TSPAN9: variants seen among roughly 807,000 people sequenced by gnomAD.
TSPAN9 encodes the protein tetraspanin-9.
A neutral mutation model predicts 31.0 loss-of-function variants in TSPAN9; 16 were observed. The observed-to-expected ratio is 0.52, with a 90% CI of 0.35 to 0.78. TSPAN9 has a LOEUF of 0.78. TSPAN9 is among the 30% of genes least tolerant of loss of function. TSPAN9 has a pLI of 0.01. For synonymous variants in TSPAN9, 145 were observed against 121.6 expected (o/e 1.19, Z -1.27); for missense variants, 272 against 312.5 (o/e 0.87, Z 0.98).
chr12:3,146,841 C>T (rs1202687306), intron 2 of TSPAN9, among the ~76,000 whole-genome samples: 8 of 152,066 alleles, frequency 5.3e-5, no homozygotes, highest in Admixed American at 2.0e-4. Context: ...TGGTGGATCC[C>T]GTGGCCTCCT....
intron 3 of TSPAN9, among the ~76,000 whole-genome samples, chr12:3,263,941 T>C (rs4766083): frequency 0.39 from 59,121 of 151,346 alleles, 13,470 homozygotes; most frequent in South Asian, 0.59. Context: ...GAGGTGGAGG[T>C]GTGGAAGGTG....
chr12:3,146,827 ATGG>A (rs1177120993), intron 2 of TSPAN9, among the ~76,000 whole-genome samples: 1 of 152,056 alleles, frequency 6.6e-6, no homozygotes, highest in Admixed American at 6.6e-5. Flanking sequence ...TGGGAGGAGA[ATGG>A]TGGTGGATCC....
chr12:3,084,433 C>A (rs1050443329), intron 2 of TSPAN9, among the ~76,000 whole-genome samples: 1 of 152,080 alleles, frequency 6.6e-6, no homozygotes, highest in South Asian at 2.1e-4. Flanking sequence ...CTTCCCTGAA[C>A]CCAATGGTGT....
At chr12:3,215,034 T>C (rs1477220241) in intron 3 of TSPAN9, among the ~76,000 whole-genome samples, 2 of 151,770 alleles carry the variant, frequency 1.3e-5, no homozygotes, top group Non-Finnish European at 2.9e-5. Flanking sequence ...TGGCCTGCGC[T>C]CCCACCTGCT....
Position 3,127,349 on chromosome 12 carries a change from T to A in TSPAN9, c.-18+43630T>A, listed in dbSNP as rs139458262. Among the ~76,000 whole-genome samples, 442 of 152,114 alleles carry A rather than the reference T, an allele frequency of 2.9e-3. 3 individuals carry two copies. The highest frequency in any genetic ancestry group is 0.01 in the African/African-American group (422 of 41,498). On this transcript the variant is annotated intron_variant, in intron 2 of 8. Coordinates refer to ENST00000011898, the MANE Select transcript of TSPAN9 (RefSeq NM_006675.5). Reference sequence around the variant, plus strand: ...CCTGCTTGAGGCCGTTTTACTTAACTTTAAAGAAAAATTTTTTTTTTTTTG... The same window carrying A: ...CCTGCTTGAGGCCGTTTTACTTAACATTAAAGAAAAATTTTTTTTTTTTTG...
At chr12:3,276,020 T>A (rs1461117445) in intron 3 of TSPAN9, among the ~76,000 whole-genome samples, 1 of 152,220 alleles carries the variant, frequency 6.6e-6, no homozygotes, top group African/African-American at 2.4e-5. Context: ...CGCTCCTCCG[T>A]AGCCTCCTGG....
At chr12:3,177,632 C>G (rs773473516) in intron 2 of TSPAN9, among the ~76,000 whole-genome samples, 14 of 152,054 alleles carry the variant, frequency 9.2e-5, no homozygotes, top group Non-Finnish European at 4.4e-5. Flanking sequence ...GGGGTTTTGC[C>G]ATGTTGGCCA....
chr12:3,240,851 T>G (rs1266154139), intron 3 of TSPAN9, among the ~76,000 whole-genome samples: 4 of 152,188 alleles, frequency 2.6e-5, no homozygotes, highest in African/African-American at 9.7e-5. Context: ...TAATTAGGTC[T>G]GTATAAAAAA....
At chr12:3,215,915 G>A (rs895765105) in intron 3 of TSPAN9, among the ~76,000 whole-genome samples, 1 of 152,174 alleles carries the variant, frequency 6.6e-6, no homozygotes, top group African/African-American at 2.4e-5. Context: ...GGACCTCTCT[G>A]TCTGGCTTGC....
chr12:3,211,875 C>T (rs1164071655), intron 3 of TSPAN9: 12 of 1,594,760 alleles, frequency 7.5e-6, no homozygotes, highest in East Asian at 4.5e-5. Context: ...TTCCTCTTCT[C>T]CTCTTCTGGA....
chr12:3,125,506 A>T (rs2098326947), intron 2 of TSPAN9, among the ~76,000 whole-genome samples: 1 of 152,220 alleles, frequency 6.6e-6, no homozygotes, highest in East Asian at 1.9e-4. Flanking sequence ...TTATTTTTAA[A>T]AAATAGGTAC....
intron 2 of TSPAN9, among the ~76,000 whole-genome samples, chr12:3,165,674 C>T (rs2098347965): frequency 6.6e-6 from 1 of 152,124 alleles, no homozygotes; most frequent in African/African-American, 2.4e-5. Context: ...GGCGCCTCTG[C>T]TTGTAAGCTC....
intron 3 of TSPAN9, among the ~76,000 whole-genome samples, chr12:3,235,266 AT>A (rs1565626029): frequency 3.2e-5 from 3 of 93,248 alleles, no homozygotes; most frequent in Non-Finnish European, 6.1e-5. Context: ...ATATATATAT[AT>A]ATATGTAAGT....
At chr12:3,100,734 A>G (rs1187082872) in intron 2 of TSPAN9, among the ~76,000 whole-genome samples, 1 of 151,850 alleles carries the variant, frequency 6.6e-6, no homozygotes, top group Admixed American at 6.6e-5. Context: ...TCTAGGAAAC[A>G]CTCCTACAAG....
In TSPAN9 at chr12:3,172,499, A is replaced by G. The variant is rs1432319881; in HGVS notation, c.-17-28678A>G. 6.6e-6 allele frequency: 1 copy of G among 152,172 alleles called. No individual in the cohort carries two copies. The highest frequency in any genetic ancestry group is 1.5e-5 in the Non-Finnish European group (1 of 68,028). The allele number at this position is 152,172 out of a possible 1,614,324, so 9.4% of individuals were successfully genotyped here. On this transcript the variant is annotated intron_variant, in intron 2 of 8. Coordinates refer to ENST00000011898, the MANE Select transcript of TSPAN9 (RefSeq NM_006675.5). The surrounding 1 kb of genome is among the most constrained non-coding windows in gnomAD (Gnocchi z 4.8). Reference sequence around the variant, plus strand: ...GGTGCTCGTGTCACTCACCGGGGGAACTTAAACGCCGCTTGCTGAGTCCCA... The same window carrying G: ...GGTGCTCGTGTCACTCACCGGGGGAGCTTAAACGCCGCTTGCTGAGTCCCA...
chr12:3,110,417 C>G (rs1054159491), intron 2 of TSPAN9, among the ~76,000 whole-genome samples: 1 of 152,200 alleles, frequency 6.6e-6, no homozygotes, highest in African/African-American at 2.4e-5. Flanking sequence ...AGTCTCTTTT[C>G]TCTTGATTTA....
chr12:3,096,051 G>A (rs1300682053), intron 2 of TSPAN9, among the ~76,000 whole-genome samples: 1 of 151,610 alleles, frequency 6.6e-6, no homozygotes, highest in Non-Finnish European at 1.5e-5. Flanking sequence ...CCCGGGCGGC[G>A]CTCCCGGCGC....
At chr12:3,264,476 TC>T (rs1460699595) in intron 3 of TSPAN9, among the ~76,000 whole-genome samples, 1 of 152,174 alleles carries the variant, frequency 6.6e-6, no homozygotes, top group Non-Finnish European at 1.5e-5. Context: ...GCAAGCCGCC[TC>T]CCGGAGATGG....
At chr12:3,115,959 T>A (rs1411012193) in intron 2 of TSPAN9, among the ~76,000 whole-genome samples, 1 of 152,242 alleles carries the variant, frequency 6.6e-6, no homozygotes, top group Non-Finnish European at 1.5e-5. Context: ...CCTTTATTTT[T>A]ATTTTTTTAA....
Sources: allele counts gnomAD v4.1 joint callset (sites outside exome capture counted in the v4.1 genomes callset), GRCh38; gene constraint gnomAD v4.1.1; non-coding constraint Gnocchi (gnomAD v3.1); transcripts MANE v1.5; gene names NCBI Gene and HGNC (gene_info 2026-07-23, HGNC 2026-07-21).